The following ATP10B variants were observed in gnomAD, a reference collection of about 807,000 sequenced individuals.
The protein encoded by ATP10B is ATPase phospholipid transporting 10B (putative), also known as phospholipid-transporting ATPase VB.
In ATP10B, 122 loss-of-function variants were observed where a neutral mutation model predicts 141.2. That is an observed-to-expected ratio of 0.86 (90% CI 0.75 to 1.00). ATP10B has a LOEUF of 1.00. ATP10B is among the 50% of genes least tolerant of loss of function. The pLI is 0.00. For missense variants in ATP10B, 1,876 were observed against 1,825.3 expected (o/e 1.03, Z -0.51); for synonymous variants, 685 against 692.0 (o/e 0.99, Z 0.16).
intron 6 of ATP10B, among the ~76,000 whole-genome samples, chr5:160,685,616 C>G (rs1763703128): frequency 6.6e-6 from 1 of 152,192 alleles, no homozygotes; most frequent in Non-Finnish European, 1.5e-5. Flanking sequence ...GCCTGACATC[C>G]TCCAAAGAGT....
chr5:160,857,040 TG>T (rs543104788), upstream of ATP10B, among the ~76,000 whole-genome samples: 253 of 151,934 alleles, frequency 1.7e-3, no homozygotes, highest in African/African-American at 5.8e-3. Context: ...CTGTTTTTCC[TG>T]GTTTTGATAT....
chr5:160,820,981 C>G (rs35608935), intron 1 of ATP10B, among the ~76,000 whole-genome samples: 50,635 of 151,896 alleles, frequency 0.33, 9,629 homozygotes, highest in East Asian at 0.44. Context: ...AGATCTGTAA[C>G]AAGACAAGGA....
intron 16 of ATP10B, among the ~76,000 whole-genome samples, chr5:160,616,603 T>G (rs934480054): frequency 2.6e-5 from 4 of 152,230 alleles, no homozygotes; most frequent in African/African-American, 9.6e-5. Flanking sequence ...ATAATCCAGC[T>G]AGTGGCCACA....
the ATP10B span, among the ~76,000 whole-genome samples, chr5:160,892,476 G>A: frequency 6.6e-6 from 1 of 152,230 alleles, no homozygotes; most frequent in East Asian, 1.9e-4. Context: ...TAATTTTTGG[G>A]GGCACTGCAT....
At chr5:160,597,430 A>G (rs1408087468) in intron 22 of ATP10B, among the ~76,000 whole-genome samples, 2 of 152,196 alleles carry the variant, frequency 1.3e-5, no homozygotes, top group Non-Finnish European at 2.9e-5. Context: ...TAGACCTAAA[A>G]CCATAAAAAC....
intron 7 of ATP10B, among the ~76,000 whole-genome samples, chr5:160,660,969 C>G (rs1321091769): frequency 1.3e-5 from 2 of 152,168 alleles, no homozygotes; most frequent in Admixed American, 6.5e-5. Context: ...GGCGGATCAA[C>G]TGAGGTTGGG....
At chr5:160,662,130 T>G (rs1761967608) in intron 7 of ATP10B, among the ~76,000 whole-genome samples, 1 of 152,222 alleles carries the variant, frequency 6.6e-6, no homozygotes, top group South Asian at 2.1e-4. Context: ...AAACCACTGC[T>G]CAATGAAATA....
At chr5:160,582,509 T>G (rs1755618615) in intron 24 of ATP10B, among the ~76,000 whole-genome samples, 1 of 152,226 alleles carries the variant, frequency 6.6e-6, no homozygotes, top group Admixed American at 6.5e-5. Flanking sequence ...CAGAGATATC[T>G]GCTGTTAGTC....
At chr5:160,766,350 A>T (rs1769416379) in intron 2 of ATP10B, among the ~76,000 whole-genome samples, 1 of 95,710 alleles carries the variant, frequency 1.0e-5, no homozygotes, top group East Asian at 2.3e-4. Context: ...ACACACACAC[A>T]CACACACACA....
intron 1 of ATP10B, among the ~76,000 whole-genome samples, chr5:160,851,095 G>T (rs1312490378): frequency 6.6e-6 from 1 of 152,162 alleles, no homozygotes; most frequent in Non-Finnish European, 1.5e-5. Flanking sequence ...TGCCAGATTG[G>T]CTTTGGGAGG....
chr5:160,917,873 G>T, the ATP10B span, among the ~76,000 whole-genome samples: 2 of 152,238 alleles, frequency 1.3e-5, no homozygotes, highest in Non-Finnish European at 2.9e-5. Flanking sequence ...CAAGGAGCAA[G>T]CTTTCGGGGA....
At chr5:160,914,888 G>A in the ATP10B span, among the ~76,000 whole-genome samples, 1 of 152,198 alleles carries the variant, frequency 6.6e-6, no homozygotes, top group African/African-American at 2.4e-5. Flanking sequence ...TGCCTCTCCT[G>A]AGGAACAGCA....
intron 13 of ATP10B, among the ~76,000 whole-genome samples, chr5:160,623,236 G>A (rs986953861): frequency 4.6e-5 from 7 of 152,104 alleles, no homozygotes; most frequent in Non-Finnish European, 8.8e-5. Context: ...GGGAAGTCCC[G>A]CTTGTCCGTG....
At chr5:160,688,151 G>T in intron 4 of ATP10B, 57 bp from the exon 5 acceptor site, 1 of 1,522,840 alleles carries the variant, frequency 6.6e-7, no homozygotes. Flanking sequence ...ATGTTGGCCT[G>T]TTCATTTCTC....
At chr5:160,878,675 A>C in the ATP10B span, among the ~76,000 whole-genome samples, 6 of 152,234 alleles carry the variant, frequency 3.9e-5, no homozygotes, top group South Asian at 6.2e-4. Context: ...CAATGAACTC[A>C]AACAAATTTA....
intron 1 of ATP10B, among the ~76,000 whole-genome samples, chr5:160,823,178 G>A (rs1000134271): frequency 2.4e-4 from 37 of 151,420 alleles, no homozygotes; most frequent in South Asian, 8.4e-4. Flanking sequence ...ATAAAATGTG[G>A]TACATATACA....
chr5:160,728,384 T>G (rs1766512457), intron 2 of ATP10B, among the ~76,000 whole-genome samples: 1 of 152,208 alleles, frequency 6.6e-6, no homozygotes, highest in East Asian at 1.9e-4. Flanking sequence ...GTCACTTATT[T>G]CAATTATCTA....
the ATP10B span, among the ~76,000 whole-genome samples, chr5:160,897,118 T>C: frequency 6.6e-6 from 1 of 152,198 alleles, no homozygotes; most frequent in African/African-American, 2.4e-5. Context: ...AAGCATTCCC[T>C]TTGAAAAACA....
chr5:160,630,326 C>A (rs931388699), intron 13 of ATP10B, among the ~76,000 whole-genome samples: 3 of 152,118 alleles, frequency 2.0e-5, no homozygotes, highest in Non-Finnish European at 2.9e-5. Context: ...CTCTCACTGG[C>A]CATCAGCTAA....
Sources: gnomAD v4.1 joint callset for allele counts (sites outside exome capture counted in the v4.1 genomes callset) on GRCh38, gnomAD v4.1.1 for gene constraint, MANE v1.5 for transcripts, NCBI Gene and HGNC (gene_info 2026-07-23, HGNC 2026-07-21) for gene names.